Variants in P2RY13 observed in about 807,000 individuals in gnomAD.
P2RY13 encodes the protein P2Y purinoceptor 13.
For synonymous variants in P2RY13, 150 were observed against 155.1 expected (o/e 0.97, Z 0.24); for missense variants, 412 against 418.4 (o/e 0.98, Z 0.13).
In P2RY13 at chr3:151,327,702, T is replaced by TGA. The variant is rs1300539297; in HGVS notation, c.*288_*289insTC. 2 of 236,218 alleles carry TGA rather than the reference T, an allele frequency of 8.5e-6. No homozygotes were observed. The highest frequency in any genetic ancestry group is 5.3e-5 in the Admixed American group (1 of 18,848). 14.6% of individuals were successfully genotyped at this position (236,218 alleles called of 1,614,324 possible). A position where few individuals can be genotyped will look rare whatever the true frequency, so the allele number is the denominator to read the frequency against. ...GGATATACGTTTCTCCTTAGTCTTTTCCAAAATGTTAAAGTGAAATGCTCT... is the reference window on the plus strand; with the variant it reads ...GGATATACGTTTCTCCTTAGTCTTTTGACCAAAATGTTAAAGTGAAATGCTCT... On this transcript the variant is annotated 3_prime_UTR_variant, in exon 2 of 2. Coordinates refer to ENST00000325602, the MANE Select transcript of P2RY13 (RefSeq NM_176894.3).
Position 151,328,759 on chromosome 3 carries a change from T to G in P2RY13, c.297A>C (p.Lys99Asn), listed in dbSNP as rs1382581297. ...GTGCCAGGTGTGAGTCAGAGAGGAT[T>G]TTGAAAGGAAGCATGAGTGTCATTA... ...DLIMTLMLPF[K>N]ILSDSHLAPW... is the part of the protein sequence containing the mutation. Residue 99 changes from lysine (K) to asparagine (N), a missense_variant, in exon 2 of 2, where the codon AAA (lysine) becomes AAC (asparagine). Coordinates refer to ENST00000325602, the MANE Select transcript of P2RY13 (RefSeq NM_176894.3). 6.2e-7 allele frequency: 1 copy of G among 1,613,838 alleles called. No individual in the cohort carries two copies. The highest frequency in any genetic ancestry group is 8.5e-7 in the Non-Finnish European group (1 of 1,179,924).
chr3:151,328,487 G>C lies in P2RY13; in HGVS notation c.569C>G (p.Ser190Cys), dbSNP rs775981509. ...ILSNKEATPSSVKKCASLKGP... is the reference protein window; with the variant it reads ...ILSNKEATPSCVKKCASLKGP... ...CTTTAAGGAAGCACACTTTTTCACA[G>C]ACGATGGTGTTGCTTCCTTGTTGCT... The change falls in exon 2 of 2, where the codon TCT becomes TGT. Residue 190 changes from serine (S) to cysteine (C), a missense_variant. By Grantham distance (112) the Ser-to-Cys change is moderately radical. Coordinates refer to ENST00000325602, the MANE Select transcript of P2RY13 (RefSeq NM_176894.3). 1.9e-6 allele frequency: 3 copies of C among 1,614,006 alleles called. No homozygotes were observed. The South Asian group carries it at 3.3e-5, about 18-fold the overall frequency.
rs1038147535 is a variant in P2RY13 at position 151,327,742 on chromosome 3, A to G, written c.*249T>C. 21 of 323,218 alleles carry G rather than the reference A, an allele frequency of 6.5e-5. No homozygotes were observed. The Middle Eastern group carries it at 2.6e-3, about 40-fold the overall frequency. 20.0% of individuals were successfully genotyped at this position (323,218 alleles called of 1,614,324 possible). ...TGAAATGCTCTTGAAATTAAAAAAA[A>G]AAAAAAAGAAAGAAAGAAATAATGA... On this transcript the variant is annotated 3_prime_UTR_variant, in exon 2 of 2. Transcript: ENST00000325602.
In P2RY13 at chr3:151,328,220, G is replaced by A. The variant is rs764935400; in HGVS notation, c.836C>T (p.Thr279Ile). ...AGTCTTATTGTTGGTTTGACTGTGA[G>A]TATATGGAACTCTGGCAAAATGAAA... ...APFHFARVPY[T>I]HSQTNNKTDC... The change falls in exon 2 of 2, where the codon ACT (threonine) becomes ATT (isoleucine). Residue 279 changes from threonine to isoleucine, a missense_variant. Physicochemically the swap from Thr to Ile is moderately conservative, Grantham distance 89 (BLOSUM62 -1). Transcript: ENST00000325602. The A allele has an allele frequency of 1.1e-5, 17 of 1,613,316 alleles. No homozygotes were observed. The highest frequency in any genetic ancestry group is 1.4e-5 in the Non-Finnish European group (16 of 1,179,620).
rs770903652 is a variant in P2RY13 at position 151,329,501 on chromosome 3, C to A, written c.28G>T (p.Glu10Ter). 6.5e-7 allele frequency: 1 copy of A among 1,547,656 alleles called. No homozygotes were observed. Among genetic ancestry groups the A allele is most frequent in the Non-Finnish European group, 8.7e-7 (1 of 1,144,090 alleles). ...TTCACCTTTGGGAGGATACTCAGTT[C>A]TCTCTGTCTTCTTATGGCGGCAGTC... MTAAIRRQR[E>*]LSILPKVTLE... is the part of the protein sequence containing the mutation. The change falls in exon 1 of 2, where the codon GAA becomes TAA. Residue 10 changes from glutamate to a stop codon, truncating the protein, a stop_gained. Coordinates refer to ENST00000325602, the MANE Select transcript of P2RY13 (RefSeq NM_176894.3). LOFTEE classifies it low-confidence loss of function (END_TRUNC).
chr3:151,329,371 T>C (rs1750086730), intron 1 of P2RY13, 110 bp downstream of exon 1: 1 of 640,348 alleles, frequency 1.6e-6, no homozygotes, highest in Non-Finnish European at 2.7e-6. Context: ...TAATTTCTTA[T>C]GCTCATAAAC....
rs987883094 is a variant in P2RY13 at position 151,327,060 on chromosome 3, C to A, written c.*931G>T. 4.6e-5 allele frequency: 7 copies of A among 152,128 alleles called. No individual in the cohort carries two copies. The highest frequency in any genetic ancestry group is 1.3e-4 in the Admixed American group (2 of 15,256). 9.4% of individuals were successfully genotyped at this position (152,128 alleles called of 1,614,324 possible). A position where few individuals can be genotyped will look rare whatever the true frequency, so the allele number is the denominator to read the frequency against. Reference sequence around the variant, plus strand: ...ACTGTAGGTCGTATTATGGGAGATACCAAGAAAATCTGGCATGTCTGTCTC... The same window carrying A: ...ACTGTAGGTCGTATTATGGGAGATAACAAGAAAATCTGGCATGTCTGTCTC... On this transcript the variant is annotated 3_prime_UTR_variant, in exon 2 of 2. Transcript: ENST00000325602.
chr3:151,329,413 C>A (rs978817231), intron 1 of P2RY13, 68 bp downstream of exon 1: 1 of 988,236 alleles, frequency 1.0e-6, no homozygotes, highest in Non-Finnish European at 1.5e-6. Flanking sequence ...TTTAAAGCAC[C>A]TTTTTTCCCT....
rs1363166676 is a variant in P2RY13 at position 151,328,647 on chromosome 3, T to G, written c.409A>C (p.Ile137Leu). The change falls in exon 2 of 2, where the codon ATA becomes CTA. Residue 137 changes from isoleucine (I) to leucine (L), a missense_variant. Coordinates refer to ENST00000325602, the MANE Select transcript of P2RY13 (RefSeq NM_176894.3). ...ATCTTGAGGAATCTGTCAAAGGCTA[T>G]GAGCCCTAACAGCACGATGCCCACA... The part of the protein sequence containing the change: ...MYVGIVLLGL[I>L]AFDRFLKIIR... The G allele has an allele frequency of 6.2e-7, 1 of 1,613,864 alleles. No individual in the cohort carries two copies. Among genetic ancestry groups the G allele is most frequent in the Non-Finnish European group, 8.5e-7 (1 of 1,179,948 alleles).
rs768037920 is a variant in P2RY13 at position 151,328,336 on chromosome 3, T to C, written c.720A>G (p.Arg240=). The C allele has an allele frequency of 8.1e-6, 13 of 1,613,018 alleles. No homozygotes were observed. In the Admixed American group the frequency reaches 1.8e-4, roughly 23 times the overall value. The change falls in exon 2 of 2, where the codon AGA becomes AGG. Residue 240 remains arginine, a synonymous_variant. Transcript: ENST00000325602. ...TTTTTCTGTCCTTACTTTTGGACTT[T>C]CTATAAGAATCATATACTTTTTTTG... ...VIAKKVYDSY[R]KSKSKDRKNN... is the part of the protein sequence containing the mutation.
chr3:151,328,020 TGCTATGATTTTCTTG>T lies in P2RY13; in HGVS notation c.1021_1035del (p.Gln341_Ser345del). ...CCTAAGGTTATGTTGTCTGTCTGACTGCTATGATTTTCTTGGCTTGATGCTGTGGTCTTTCTCCCT... is the reference window on the plus strand; with the variant it reads ...CCTAAGGTTATGTTGTCTGTCTGACTGCTTGATGCTGTGGTCTTTCTCCCT... On this transcript the variant is annotated inframe_deletion, in exon 2 of 2. Coordinates refer to ENST00000325602, the MANE Select transcript of P2RY13 (RefSeq NM_176894.3). The T allele has an allele frequency of 6.3e-7, 1 of 1,588,482 alleles. No individual in the cohort carries two copies.
Position 151,326,822 on chromosome 3 carries a change from A to T in P2RY13, c.*1169T>A, listed in dbSNP as rs946643035. 1 of 152,106 alleles carries T rather than the reference A, an allele frequency of 6.6e-6. No individual in the cohort carries two copies. The highest frequency in any genetic ancestry group is 2.4e-5 in the African/African-American group (1 of 41,432). The allele number at this position is 152,106 out of a possible 1,614,324, so 9.4% of individuals were successfully genotyped here. On this transcript the variant is annotated 3_prime_UTR_variant, in exon 2 of 2. Coordinates refer to ENST00000325602, the MANE Select transcript of P2RY13 (RefSeq NM_176894.3). ...CTCCTTTATGTATTTTTTCTAGAAG[A>T]TGTAGACTCTTATCCATCATTTCAG...
At position 151,327,816 on chromosome 3, in the gene P2RY13, T is replaced by C. The variant is rs1009231346; in HGVS notation, c.*175A>G. On this transcript the variant is annotated 3_prime_UTR_variant, in exon 2 of 2. Coordinates refer to ENST00000325602, the MANE Select transcript of P2RY13 (RefSeq NM_176894.3). ...GTTGCATTCTCTTAGTAATGGTTCA[T>C]TCAGCTTATGAATAGATCTATGTGG... The C allele has an allele frequency of 4.0e-5, 18 of 453,650 alleles. No individual in the cohort carries two copies. Among genetic ancestry groups the C allele is most frequent in the Admixed American group, 2.7e-4 (7 of 26,272 alleles). The allele number at this position is 453,650 out of a possible 1,614,324, so 28.1% of individuals were successfully genotyped here. A position where few individuals can be genotyped will look rare whatever the true frequency, so the allele number is the denominator to read the frequency against.
At chr3:151,329,080 A>G in intron 1 of P2RY13, 73 bp from the exon 2 acceptor site, 1 of 1,111,660 alleles carries the variant, frequency 9.0e-7, no homozygotes, top group Non-Finnish European at 1.3e-6. Context: ...GCTATTTTTT[A>G]AAAACAGACT....
Position 151,328,063 on chromosome 3 carries a change from C to A in P2RY13, c.993G>T (p.Met331Ile). 1 of 1,609,254 alleles carries A rather than the reference C, an allele frequency of 6.2e-7. No individual in the cohort carries two copies. The highest frequency in any genetic ancestry group is 8.5e-7 in the Non-Finnish European group (1 of 1,178,302). Residue 331 changes from methionine to isoleucine, a missense_variant, in exon 2 of 2, where the codon ATG becomes ATT. Physicochemically the swap from Met to Ile is conservative, Grantham distance 10. Coordinates refer to ENST00000325602, the MANE Select transcript of P2RY13 (RefSeq NM_176894.3). ...TTGATGCTGTGGTCTTTCTCCCTTGCATACATGGTAGCTTTTCTGTGAATT... is the reference window on the plus strand; with the variant it reads ...TTGATGCTGTGGTCTTTCTCCCTTGAATACATGGTAGCTTTTCTGTGAATT... ...CKKFTEKLPC[M>I]QGRKTTASSQ...
rs1315275961 is a variant in P2RY13 at position 151,328,556 on chromosome 3, A to T, written c.500T>A (p.Ile167Asn). ...PVFAKTVSIF[I>N]WFFLFFISLP... ...GGAGATGAAGAACAAAAAGAACCAG[A>T]TGAAGATTGAGACCGTTTTTGCAAA... is the stretch of plus-strand genomic sequence containing the variant. The change falls in exon 2 of 2, where the codon ATC becomes AAC. Residue 167 changes from isoleucine (I) to asparagine (N), a missense_variant. Physicochemically the swap from Ile to Asn is moderately radical, Grantham distance 149. Transcript: ENST00000325602. The T allele has an allele frequency of 6.2e-7, 1 of 1,613,816 alleles. No individual in the cohort carries two copies. Among genetic ancestry groups the T allele is most frequent in the Non-Finnish European group, 8.5e-7 (1 of 1,179,780 alleles).
intron 1 of P2RY13, 137 bp downstream of exon 1, chr3:151,329,344 G>A (rs1431396738): frequency 1.7e-6 from 1 of 604,914 alleles, no homozygotes; most frequent in African/African-American, 1.9e-5. Context: ...TAATACATCA[G>A]ATTGCTGTAA....
chr3:151,328,632 A>G lies in P2RY13; in HGVS notation c.424T>C (p.Phe142Leu), dbSNP rs974375450. The G allele has an allele frequency of 2.5e-6, 4 of 1,613,848 alleles. No individual in the cohort carries two copies. The South Asian group carries it at 4.4e-5, about 18-fold the overall frequency. The change falls in exon 2 of 2, where the codon TTC (phenylalanine) becomes CTC (leucine). Residue 142 changes from phenylalanine to leucine, a missense_variant. Phe to Leu is a conservative substitution (Grantham distance 22, BLOSUM62 0). Coordinates refer to ENST00000325602, the MANE Select transcript of P2RY13 (RefSeq NM_176894.3). ...VLLGLIAFDR[F>L]LKIIRPLRNI... ...CTCAAAGGTCTGATGATCTTGAGGA[A>G]TCTGTCAAAGGCTATGAGCCCTAAC...
rs536427781 is a variant in P2RY13, at chr3:151,326,581, G to A, written c.*1410C>T. On this transcript the variant is annotated 3_prime_UTR_variant, in exon 2 of 2. Transcript: ENST00000325602. Reference sequence around the variant, plus strand: ...TAAGAGTCTTCCAAGTGTACCAGGGGGAAATATACATGTGTGGTGCCAAAA... The same window carrying A: ...TAAGAGTCTTCCAAGTGTACCAGGGAGAAATATACATGTGTGGTGCCAAAA... The A allele has an allele frequency of 1.0e-3, 152 of 152,280 alleles. No homozygotes were observed. The highest frequency in any genetic ancestry group is 3.5e-3 in the African/African-American group (144 of 41,564). 9.4% of individuals were successfully genotyped at this position (152,280 alleles called of 1,614,324 possible). A position where few individuals can be genotyped will look rare whatever the true frequency, so the allele number is the denominator to read the frequency against.
Sources: gnomAD v4.1 joint callset for allele counts on GRCh38, gnomAD v4.1.1 for gene constraint, MANE v1.5 for transcripts, NCBI Gene and HGNC (gene_info 2026-07-23, HGNC 2026-07-21) for gene names.